The following GRM7 variants were observed in gnomAD, a reference collection of about 807,000 sequenced individuals.
GRM7 encodes glutamate metabotropic receptor 7.
In GRM7, 35 loss-of-function variants were observed where a neutral mutation model predicts 84.5. The ratio of observed to expected loss-of-function variants is 0.41; its 90% CI spans 0.32 to 0.55. The LOEUF (loss-of-function observed/expected upper bound fraction) is 0.55. Ranked by LOEUF, GRM7 falls within the 20% of genes least tolerant of loss-of-function variation. The pLI, the probability that GRM7 is intolerant of heterozygous loss-of-function variation, is 0.19. For missense variants in GRM7, 1,003 were observed against 1,194.6 expected (o/e 0.84, Z 2.36); for synonymous variants, 487 against 455.1 (o/e 1.07, Z -0.89).
chr3:6,866,313 T>A (rs1694935841), intron 1 of GRM7, among the ~76,000 whole-genome samples: 1 of 152,138 alleles, frequency 6.6e-6, no homozygotes, highest in South Asian at 2.1e-4. Context: ...ATCTCTTAAT[T>A]TTTCTAGGCT....
chr3:7,494,690 ACTT>A (rs1699638122), intron 7 of GRM7, among the ~76,000 whole-genome samples: 1 of 151,978 alleles, frequency 6.6e-6, no homozygotes, highest in Non-Finnish European at 1.5e-5. Context: ...TGTGTCCTCT[ACTT>A]TACAGATTCT....
intron 1 of GRM7, among the ~76,000 whole-genome samples, chr3:6,874,942 A>G (rs769001863): frequency 6.6e-6 from 1 of 152,184 alleles, no homozygotes; most frequent in Non-Finnish European, 1.5e-5. Context: ...TAGTATTCTT[A>G]CATTCTACAC....
intron 7 of GRM7, among the ~76,000 whole-genome samples, chr3:7,503,741 A>G (rs1335691236): frequency 6.6e-6 from 1 of 152,150 alleles, no homozygotes; most frequent in Non-Finnish European, 1.5e-5. Flanking sequence ...TGCTAATTAT[A>G]AAAGCTTGTA....
intron 2 of GRM7, among the ~76,000 whole-genome samples, chr3:7,258,832 G>T (rs1193998682): frequency 1.3e-5 from 2 of 152,196 alleles, no homozygotes; most frequent in East Asian, 3.8e-4. Flanking sequence ...AAATCAGAAG[G>T]AAAGAAGATA....
chr3:7,242,131 A>G (rs1697582575), intron 2 of GRM7, among the ~76,000 whole-genome samples: 1 of 152,150 alleles, frequency 6.6e-6, no homozygotes. Flanking sequence ...TCCCTGCAGG[A>G]TATATCTAGG....
intron 1 of GRM7, among the ~76,000 whole-genome samples, chr3:6,865,008 A>G (rs1694893225): frequency 6.6e-6 from 1 of 152,220 alleles, no homozygotes; most frequent in Non-Finnish European, 1.5e-5. Flanking sequence ...ATGTCTGAGG[A>G]CAGGAATCAT....
chr3:7,410,546 C>A (rs939645021), intron 4 of GRM7, among the ~76,000 whole-genome samples: 16 of 151,242 alleles, frequency 1.1e-4, no homozygotes, highest in African/African-American at 3.9e-4. Context: ...GCACTCCAGC[C>A]TGGGGACAGA....
At chr3:7,076,547 A>C (rs1422194677) in intron 1 of GRM7, among the ~76,000 whole-genome samples, 3 of 152,124 alleles carry the variant, frequency 2.0e-5, no homozygotes, top group African/African-American at 7.2e-5. Context: ...AAGGCCTCCT[A>C]GCTATGCAGA....
chr3:7,205,279 G>A (rs529703118), intron 2 of GRM7, among the ~76,000 whole-genome samples: 10 of 152,320 alleles, frequency 6.6e-5, no homozygotes, highest in East Asian at 3.9e-4. Context: ...AGATCTGGTC[G>A]TGGGTGGTGC....
chr3:7,339,955 T>A (rs762711999), intron 4 of GRM7, among the ~76,000 whole-genome samples: 4 of 152,080 alleles, frequency 2.6e-5, no homozygotes, highest in Non-Finnish European at 4.4e-5. Flanking sequence ...TGTAATTATC[T>A]AGGAGTCTGA....
intron 1 of GRM7, among the ~76,000 whole-genome samples, chr3:7,080,007 A>T (rs969746929): frequency 2.0e-5 from 3 of 152,154 alleles, no homozygotes; most frequent in Non-Finnish European, 2.9e-5. Context: ...TCCTTAATAC[A>T]GTCACCTCAA....
chr3:7,036,867 C>T (rs189259), intron 1 of GRM7, among the ~76,000 whole-genome samples: 61,016 of 151,856 alleles, frequency 0.4, 14,467 homozygotes, highest in East Asian at 0.51. Flanking sequence ...TCAGGCAAAT[C>T]GTGAACTATT....
chr3:7,135,298 G>C (rs1449097470), intron 1 of GRM7, among the ~76,000 whole-genome samples: 1 of 152,170 alleles, frequency 6.6e-6, no homozygotes, highest in Non-Finnish European at 1.5e-5. Flanking sequence ...GTTCTTCAAT[G>C]ATTTTCCCTT....
chr3:6,923,575 T>A (rs1697199589), intron 1 of GRM7, among the ~76,000 whole-genome samples: 1 of 152,194 alleles, frequency 6.6e-6, no homozygotes, highest in African/African-American at 2.4e-5. Flanking sequence ...TCTGTTGGTT[T>A]TTATTTTTTG....
intron 2 of GRM7, among the ~76,000 whole-genome samples, chr3:7,260,087 TGTCTTCTTTTGAA>T (rs763474934): frequency 6.6e-6 from 1 of 152,004 alleles, no homozygotes; most frequent in Non-Finnish European, 1.5e-5. Flanking sequence ...GCCACATGTA[TGTCTTCTTTTGAA>T]AAGTGTCTGT....
At chr3:6,906,324 A>G (rs748603265) in intron 1 of GRM7, among the ~76,000 whole-genome samples, 55 of 152,296 alleles carry the variant, frequency 3.6e-4, no homozygotes, top group Middle Eastern at 3.4e-3. Flanking sequence ...AAGCTAAGTC[A>G]GTGCTGAAGT....
chr3:7,337,048 C>T (rs905782525), intron 4 of GRM7, among the ~76,000 whole-genome samples: 30 of 151,702 alleles, frequency 2.0e-4, no homozygotes, highest in African/African-American at 6.5e-4. Context: ...AAAACAATAG[C>T]ATGATACTGG....
intron 8 of GRM7, among the ~76,000 whole-genome samples, chr3:7,623,129 C>A (rs138160274): frequency 6.6e-6 from 1 of 151,984 alleles, no homozygotes; most frequent in East Asian, 1.9e-4. Context: ...AAGGCACACA[C>A]GAGAAGTAGA....
chr3:7,172,974 T>C (rs928905233), intron 2 of GRM7, among the ~76,000 whole-genome samples: 106 of 152,282 alleles, frequency 7.0e-4, no homozygotes, highest in African/African-American at 2.5e-3. Flanking sequence ...TATGTGTATG[T>C]GTATATATAG....
Sources: gnomAD v4.1 joint callset for allele counts (sites outside exome capture counted in the v4.1 genomes callset) on GRCh38, gnomAD v4.1.1 for gene constraint, MANE v1.5 for transcripts, NCBI Gene and HGNC (gene_info 2026-07-23, HGNC 2026-07-21) for gene names.